CFAP96: variants seen among roughly 807,000 people sequenced by gnomAD.
The protein encoded by CFAP96 is cilia and flagella associated protein 96, also known as cilia-and flagella-associated protein 96.
At chr4:185,447,539 C>T in the CFAP96 span, among the ~76,000 whole-genome samples, 452 of 152,246 alleles carry the variant, frequency 3.0e-3, 2 homozygotes, top group African/African-American at 0.01. Flanking sequence ...GTGCATAAAG[C>T]GTTTGTCAAG....
chr4:185,414,439 T>C, the CFAP96 span, among the ~76,000 whole-genome samples: 20 of 152,320 alleles, frequency 1.3e-4, no homozygotes, highest in African/African-American at 4.3e-4. Flanking sequence ...TTTAAAAAGT[T>C]TGACATGTTC....
At chr4:185,423,528 A>G in the CFAP96 span, among the ~76,000 whole-genome samples, 1 of 151,654 alleles carries the variant, frequency 6.6e-6, no homozygotes, top group East Asian at 2.0e-4. Context: ...ATTCGGGTAC[A>G]TGGATATTAA....
At chr4:185,417,905 A>G in the CFAP96 span, among the ~76,000 whole-genome samples, 11 of 152,088 alleles carry the variant, frequency 7.2e-5, no homozygotes, top group African/African-American at 2.7e-4. Flanking sequence ...TTAGCTGGGC[A>G]TGGTGGCAGG....
chr4:185,444,337 A>G, the CFAP96 span, among the ~76,000 whole-genome samples: 1 of 152,176 alleles, frequency 6.6e-6, no homozygotes, highest in Non-Finnish European at 1.5e-5. Context: ...GGTTATTATG[A>G]TTCTATAGAA....
the CFAP96 span, among the ~76,000 whole-genome samples, chr4:185,425,194 T>G: frequency 6.6e-6 from 1 of 152,120 alleles, no homozygotes; most frequent in East Asian, 1.9e-4. Flanking sequence ...TTCCAGGTTT[T>G]GGGCAGGCAC....
chr4:185,430,301 T>C, the CFAP96 span, among the ~76,000 whole-genome samples: 1 of 152,180 alleles, frequency 6.6e-6, no homozygotes, highest in Admixed American at 6.5e-5. Context: ...TACATAATAA[T>C]ACAAAATAAA....
the CFAP96 span, chr4:185,429,537 G>A: frequency 8.3e-7 from 1 of 1,197,932 alleles, no homozygotes; most frequent in Non-Finnish European, 1.2e-6. Context: ...TTTCTCTATG[G>A]ACGAATAGTG....
chr4:185,441,621 G>A, the CFAP96 span, among the ~76,000 whole-genome samples: 5 of 150,938 alleles, frequency 3.3e-5, no homozygotes, highest in Admixed American at 3.3e-4. Context: ...TCTATTAAAA[G>A]AAATTAAATT....
the CFAP96 span, chr4:185,440,678 A>G: frequency 6.7e-7 from 1 of 1,501,264 alleles, no homozygotes; most frequent in Non-Finnish European, 9.0e-7. Context: ...GAAGAAGAAA[A>G]CAATTTCAAA....
the CFAP96 span, among the ~76,000 whole-genome samples, chr4:185,432,988 T>G: frequency 6.6e-6 from 1 of 152,022 alleles, no homozygotes; most frequent in Non-Finnish European, 1.5e-5. Context: ...CCTCCTGGGT[T>G]CAAGTGGAGG....
chr4:185,436,725 A>AATAATAATAATAATAATG, the CFAP96 span, among the ~76,000 whole-genome samples: 1 of 148,874 alleles, frequency 6.7e-6, no homozygotes, highest in South Asian at 2.1e-4. Context: ...TAATAATAAT[A>AATAATAATAATAATAATG]ATAATAATAA....
At chr4:185,424,776 A>C in the CFAP96 span, among the ~76,000 whole-genome samples, 1 of 152,252 alleles carries the variant, frequency 6.6e-6, no homozygotes, top group African/African-American at 2.4e-5. Context: ...CTTACTGTAC[A>C]ATTTTACACA....
At chr4:185,415,980 T>A in the CFAP96 span, 1 of 854,134 alleles carries the variant, frequency 1.2e-6, no homozygotes, top group Non-Finnish European at 1.7e-6. Context: ...AATTTAAGAC[T>A]AGCCAAGTAC....
the CFAP96 span, among the ~76,000 whole-genome samples, chr4:185,443,342 A>ATATATATATATATATATTT: frequency 1.1e-4 from 3 of 26,726 alleles, no homozygotes; most frequent in African/African-American, 3.5e-4. Flanking sequence ...ATATATATAT[A>ATATATATATATATATATTT]TTTTTTTTTT....
the CFAP96 span, among the ~76,000 whole-genome samples, chr4:185,422,885 G>T: frequency 1.3e-5 from 1 of 78,360 alleles, no homozygotes. Context: ...TTGGAGACAG[G>T]GTCTCACTCT....
At chr4:185,425,309 T>C in the CFAP96 span, among the ~76,000 whole-genome samples, 1 of 152,026 alleles carries the variant, frequency 6.6e-6, no homozygotes, top group African/African-American at 2.4e-5. Flanking sequence ...CTTGCTGAGC[T>C]TGAAATACAT....
the CFAP96 span, chr4:185,415,044 A>G: frequency 1.8e-5 from 17 of 928,792 alleles, no homozygotes; most frequent in South Asian, 3.1e-4. Context: ...TAAATTCCAC[A>G]CTTTTAAGTT....
At chr4:185,426,420 A>T in the CFAP96 span, 2 of 153,354 alleles carry the variant, frequency 1.3e-5, no homozygotes, top group African/African-American at 2.4e-5. Flanking sequence ...CGCGGACGCC[A>T]GGTGTTGCCC....
the CFAP96 span, among the ~76,000 whole-genome samples, chr4:185,448,297 G>A: frequency 6.6e-6 from 1 of 151,986 alleles, no homozygotes; most frequent in South Asian, 2.1e-4. Context: ...CTGGGATTAA[G>A]TGCTGGGATT....
Sources: allele counts gnomAD v4.1 joint callset (sites outside exome capture counted in the v4.1 genomes callset), GRCh38; gene constraint gnomAD v4.1.1; transcripts MANE v1.5; gene names NCBI Gene and HGNC (gene_info 2026-07-23, HGNC 2026-07-21).